Variants in GPA33 observed in about 807,000 individuals in gnomAD.
GPA33 encodes the protein cell surface A33 antigen.
Under a neutral mutation model 35.6 loss-of-function variants are expected in GPA33, and 27 were observed. The ratio of observed to expected loss-of-function variants is 0.76; its 90% CI spans 0.56 to 1.04. The LOEUF (loss-of-function observed/expected upper bound fraction) is 1.04. Among genes scored for constraint, GPA33 ranks in the 50% least tolerant of loss-of-function variants. GPA33 has a pLI of 0.00. For missense variants in GPA33, 428 were observed against 411.9 expected, an observed-to-expected ratio of 1.04 and a Z score of -0.34; for synonymous variants, 176 against 164.0, an observed-to-expected ratio of 1.07 and a Z score of -0.56.
Position 167,063,673 on chromosome 1 carries a change from C to T in GPA33, c.480G>A (p.Leu160=). The part of the protein sequence containing the change: ...GETIIGNNIQ[L]TCQSKEGSPT... ...GTGAGCCCTCCTTTGATTGGCAGGT[C>T]AGCTGGATGTTGTTCCCAATTATGG... The change falls in exon 4 of 7, where the codon CTG becomes CTA. Residue 160 remains leucine, a synonymous_variant. Transcript: ENST00000367868. The T allele has an allele frequency of 1.9e-6, 3 of 1,613,654 alleles. No homozygotes were observed. Among genetic ancestry groups the T allele is most frequent in the Non-Finnish European group, 2.5e-6 (3 of 1,179,942 alleles).
chr1:167,090,166 TG>T lies in GPA33; in HGVS notation c.43+78del. ...CTGGAGGCCCTTCCTGGGAAGGCTC[TG>T]ACAGAGCCTCTCCTTCAGCCCTAGG... is the stretch of plus-strand genomic sequence containing the variant. On this transcript the variant is annotated intron_variant, in intron 1 of 6. Transcript: ENST00000367868. The T allele has an allele frequency of 2.6e-6, 3 of 1,137,396 alleles. No homozygotes were observed. The South Asian group carries it at 3.7e-5, about 14-fold the overall frequency. The allele number at this position is 1,137,396 out of a possible 1,614,324, so 70.5% of individuals were successfully genotyped here. A position where few individuals can be genotyped will look rare whatever the true frequency, so the allele number is the denominator to read the frequency against.
At chr1:167,067,175 T>C (rs566366324) in intron 3 of GPA33, among the ~76,000 whole-genome samples, 9 of 152,174 alleles carry the variant, frequency 5.9e-5, no homozygotes, top group Non-Finnish European at 1.0e-4. Context: ...GCTCGCTTGT[T>C]TGTTTTGAGG....
rs1666213928 is a variant in GPA33 at position 167,055,177 on chromosome 1, A to G, written c.692-66T>C. 1.9e-6 allele frequency: 3 copies of G among 1,549,244 alleles called. No individual in the cohort carries two copies. The Admixed American group carries it at 5.1e-5, about 27-fold the overall frequency. Reference sequence around the variant, plus strand: ...GCTAGCTCCGGGTCTCCTCCCAGCCAGGGGAGCAGCAGCTACCAGCTTCTG... The same window carrying G: ...GCTAGCTCCGGGTCTCCTCCCAGCCGGGGGAGCAGCAGCTACCAGCTTCTG... On this transcript the variant is annotated intron_variant, in intron 5 of 6. Coordinates refer to ENST00000367868, the MANE Select transcript of GPA33 (RefSeq NM_005814.3).
At chr1:167,089,424 T>TA (rs1667114886) in intron 1 of GPA33, among the ~76,000 whole-genome samples, 1 of 152,288 alleles carries the variant, frequency 6.6e-6, no homozygotes, top group South Asian at 2.1e-4. Flanking sequence ...GATGGCCAAA[T>TA]ACACTAAACC....
chr1:167,066,902 G>T (rs1485172751), intron 3 of GPA33, among the ~76,000 whole-genome samples: 1 of 152,198 alleles, frequency 6.6e-6, no homozygotes, highest in African/African-American at 2.4e-5. Flanking sequence ...CCGAGGCGCG[G>T]GCTGAGGGGC....
intron 2 of GPA33, among the ~76,000 whole-genome samples, chr1:167,071,697 C>T (rs995301070): frequency 6.6e-6 from 1 of 152,176 alleles, no homozygotes; most frequent in African/African-American, 2.4e-5. Context: ...CTGACTGGCT[C>T]TGCCCAGGAC....
chr1:167,087,283 A>G (rs1316812782), intron 1 of GPA33, among the ~76,000 whole-genome samples: 1 of 152,192 alleles, frequency 6.6e-6, no homozygotes, highest in Non-Finnish European at 1.5e-5. Context: ...CCACAGTAAT[A>G]ATAATAACTG....
chr1:167,056,892 AGT>A (rs1406496009), intron 4 of GPA33, among the ~76,000 whole-genome samples: 2 of 96,864 alleles, frequency 2.1e-5, no homozygotes, highest in East Asian at 3.4e-4. Context: ...TGGTGTGTGT[AGT>A]GTGTGTGCTG....
At chr1:167,089,988 G>T (rs1342756008) in intron 1 of GPA33, among the ~76,000 whole-genome samples, 1 of 151,836 alleles carries the variant, frequency 6.6e-6, no homozygotes, top group African/African-American at 2.4e-5. Flanking sequence ...ATCTAATTTG[G>T]GATAAGAAAA....
Position 167,063,676 on chromosome 1 carries a change from C to G in GPA33, c.477G>C (p.Gln159His), listed in dbSNP as rs766535525. The G allele has an allele frequency of 6.2e-7, 1 of 1,613,646 alleles. No individual in the cohort carries two copies. Among genetic ancestry groups the G allele is most frequent in the Admixed American group, 1.7e-5 (1 of 60,018 alleles). The change falls in exon 4 of 7, where the codon CAG becomes CAC. Residue 159 changes from glutamine to histidine, a missense_variant. Physicochemically the swap from Gln to His is conservative, Grantham distance 24. Coordinates refer to ENST00000367868, the MANE Select transcript of GPA33 (RefSeq NM_005814.3). ...EGETIIGNNI[Q>H]LTCQSKEGSP... is the part of the protein sequence containing the mutation. Reference sequence around the variant, plus strand: ...AGCCCTCCTTTGATTGGCAGGTCAGCTGGATGTTGTTCCCAATTATGGTCT... The same window carrying G: ...AGCCCTCCTTTGATTGGCAGGTCAGGTGGATGTTGTTCCCAATTATGGTCT...
At chr1:167,071,769 C>G (rs1666726653) in intron 2 of GPA33, among the ~76,000 whole-genome samples, 1 of 152,166 alleles carries the variant, frequency 6.6e-6, no homozygotes, top group Non-Finnish European at 1.5e-5. Flanking sequence ...TGGACCTCCG[C>G]CAGGCTAGAA....
At chr1:167,069,615 G>T (rs1472593331) in intron 2 of GPA33, among the ~76,000 whole-genome samples, 1 of 152,216 alleles carries the variant, frequency 6.6e-6, no homozygotes, top group African/African-American at 2.4e-5. Context: ...TTGATTGATA[G>T]ACTCATCATT....
rs763471918 is a variant in GPA33, at chr1:167,073,408, C to T, written c.175G>A (p.Asp59Asn). The T allele has an allele frequency of 5.6e-6, 9 of 1,613,816 alleles. No homozygotes were observed. Among genetic ancestry groups the T allele is most frequent in the Non-Finnish European group, 7.6e-6 (9 of 1,179,736 alleles). The change falls in exon 2 of 7, where the codon GAT becomes AAT. Residue 59 changes from aspartate (D) to asparagine (N), a missense_variant. By Grantham distance (23) the Asp-to-Asn change is conservative. Coordinates refer to ENST00000367868, the MANE Select transcript of GPA33 (RefSeq NM_005814.3). ...ACCGTATGAGTGAGGAGGAGCTTAT[C>T]CCATTGAATAAGTCCCTCTCGACTG... Reference protein sequence around the residue: ...TSSREGLIQWDKLLLTHTERV... With the variant: ...TSSREGLIQWNKLLLTHTERV...
chr1:167,072,365 G>A (rs112762835), intron 2 of GPA33, among the ~76,000 whole-genome samples: 1,654 of 152,040 alleles, frequency 0.011, 38 homozygotes, highest in African/African-American at 0.038. Context: ...ATGTTTTTTC[G>A]CTTATCAGAC....
chr1:167,082,438 G>A lies in GPA33; in HGVS notation c.43+7807C>T, dbSNP rs149427095. The A allele has an allele frequency of 6.6e-4, 256 of 390,082 alleles. 2 individuals are homozygous for A. The East Asian group carries it at 0.016, about 25-fold the overall frequency. 24.2% of individuals were successfully genotyped at this position (390,082 alleles called of 1,614,324 possible). ...CTGGAAGATGAGAAAGCTGAGACCAGAGGGGCACAGAGGATCCTGAGCAGA... is the reference window on the plus strand; with the variant it reads ...CTGGAAGATGAGAAAGCTGAGACCAAAGGGGCACAGAGGATCCTGAGCAGA... On this transcript the variant is annotated intron_variant, in intron 1 of 6. Coordinates refer to ENST00000367868, the MANE Select transcript of GPA33 (RefSeq NM_005814.3).
chr1:167,089,512 C>A (rs994118585), intron 1 of GPA33, among the ~76,000 whole-genome samples: 1 of 152,196 alleles, frequency 6.6e-6, no homozygotes, highest in Non-Finnish European at 1.5e-5. Context: ...CAATGCCCAG[C>A]AAAATGGTTG....
rs756187991 is a variant in GPA33 at position 167,073,437 on chromosome 1, G to A, written c.146C>T (p.Thr49Ile). 1.9e-6 allele frequency: 3 copies of A among 1,613,474 alleles called. No individual in the cohort carries two copies. Among genetic ancestry groups the A allele is most frequent in the African/African-American group, 1.3e-5 (1 of 74,856 alleles). Residue 49 changes from threonine to isoleucine, a missense_variant, in exon 2 of 7, where the codon ACC becomes ATC. Transcript: ENST00000367868. ...VTLPCTYHTS[T>I]SSREGLIQWD... Reference sequence around the variant, plus strand: ...TTGAATAAGTCCCTCTCGACTGGAGGTGGAAGTGTGGTAGGTGCAGGGCAG... The same window carrying A: ...TTGAATAAGTCCCTCTCGACTGGAGATGGAAGTGTGGTAGGTGCAGGGCAG...
intron 1 of GPA33, among the ~76,000 whole-genome samples, chr1:167,089,253 T>C (rs1311902897): frequency 6.6e-6 from 1 of 152,158 alleles, no homozygotes; most frequent in Non-Finnish European, 1.5e-5. Context: ...GTAGGCCCCG[T>C]GGCCCGGGGC....
chr1:167,076,669 A>G (rs1053605545), intron 1 of GPA33, among the ~76,000 whole-genome samples: 1 of 152,176 alleles, frequency 6.6e-6, no homozygotes, highest in Non-Finnish European at 1.5e-5. Flanking sequence ...TGAGTTTATA[A>G]TATCCGGGAG....
Sources: allele counts gnomAD v4.1 joint callset (sites outside exome capture counted in the v4.1 genomes callset), GRCh38; gene constraint gnomAD v4.1.1; transcripts MANE v1.5; gene names NCBI Gene and HGNC (gene_info 2026-07-23, HGNC 2026-07-21).